The following TBCK variants were observed in gnomAD, a reference collection of about 807,000 sequenced individuals.
TBCK encodes the protein TBC1 domain containing kinase, also known as TBC domain-containing protein kinase-like protein.
Under a neutral mutation model 113.4 loss-of-function variants are expected in TBCK, and 99 were observed. That is an observed-to-expected ratio of 0.87 (90% CI 0.74 to 1.03). The LOEUF is 1.03. Among genes scored for constraint, TBCK ranks in the 50% least tolerant of loss-of-function variants. The pLI is 0.00. For missense variants in TBCK, 1,045 were observed against 1,061.3 expected, an observed-to-expected ratio of 0.98 and a Z score of 0.21; for synonymous variants, 369 against 370.8, an observed-to-expected ratio of 1.00 and a Z score of 0.05.
At chr4:106,190,942 ATG>A (rs1387599038) in intron 22 of TBCK, among the ~76,000 whole-genome samples, 1 of 152,126 alleles carries the variant, frequency 6.6e-6, no homozygotes, top group Non-Finnish European at 1.5e-5. Flanking sequence ...GAGTTTCACC[ATG>A]TTAGCCAGGT....
At chr4:106,138,033 T>C (rs956882526) in intron 23 of TBCK, among the ~76,000 whole-genome samples, 1 of 141,544 alleles carries the variant, frequency 7.1e-6, no homozygotes, top group Admixed American at 7.0e-5. Context: ...ATTAGGCAAG[T>C]GTGTTGTGCA....
At chr4:106,140,030 ATAATAGATGAATTG>A (rs1747002441) in intron 23 of TBCK, among the ~76,000 whole-genome samples, 1 of 141,186 alleles carries the variant, frequency 7.1e-6, no homozygotes, top group South Asian at 2.4e-4. Context: ...ATAGATGTAT[ATAATAGATGAATTG>A]TAATAGATGA....
intron 23 of TBCK, among the ~76,000 whole-genome samples, chr4:106,159,048 A>C (rs1255775146): frequency 2.0e-5 from 3 of 151,890 alleles, no homozygotes; most frequent in Non-Finnish European, 4.4e-5. Context: ...AAAAAAAAAC[A>C]ACCACATGAT....
intron 25 of TBCK, among the ~76,000 whole-genome samples, chr4:106,050,321 A>C (rs937791017): frequency 1.3e-5 from 2 of 152,048 alleles, no homozygotes; most frequent in Non-Finnish European, 2.9e-5. Flanking sequence ...GCAATACTTG[A>C]ACAATGCAAT....
chr4:106,231,768 G>A lies in TBCK; in HGVS notation c.1651C>T (p.Leu551Phe). The change falls in exon 18 of 26, where the codon CTT becomes TTT. Residue 551 changes from leucine (L) to phenylalanine (F), a missense_variant. By Grantham distance (22) the Leu-to-Phe change is conservative. Coordinates refer to ENST00000394708, the MANE Select transcript of TBCK (RefSeq NM_001163435.3). ...DLVYWQGLDS[L>F]CAPFLYLNFN... ...TTTAGATATAGGAATGGAGCACAAA[G>A]TGAGTCAAGACCTAACACAGAGGGG... 1 of 1,609,780 alleles carries A rather than the reference G, an allele frequency of 6.2e-7. No individual in the cohort carries two copies. Among genetic ancestry groups the A allele is most frequent in the Non-Finnish European group, 8.5e-7 (1 of 1,177,854 alleles).
chr4:106,102,617 T>A (rs1741684339), intron 24 of TBCK, among the ~76,000 whole-genome samples: 1 of 151,268 alleles, frequency 6.6e-6, no homozygotes, highest in Non-Finnish European at 1.5e-5. Flanking sequence ...AATATATTTT[T>A]AGACATTAAA....
At chr4:106,056,255 C>A (rs1312648828) in intron 25 of TBCK, among the ~76,000 whole-genome samples, 1 of 148,732 alleles carries the variant, frequency 6.7e-6, no homozygotes, top group Non-Finnish European at 1.5e-5. Flanking sequence ...ACTTTAAGGT[C>A]TTTTTTTAAT....
intron 23 of TBCK, among the ~76,000 whole-genome samples, chr4:106,159,318 A>G (rs1362906980): frequency 6.6e-6 from 1 of 152,116 alleles, no homozygotes; most frequent in Admixed American, 6.5e-5. Flanking sequence ...AAGAAAAGCC[A>G]TCCACTGAAA....
chr4:106,288,985 T>C (rs1481258706), intron 3 of TBCK, among the ~76,000 whole-genome samples: 1 of 152,218 alleles, frequency 6.6e-6, no homozygotes. Flanking sequence ...TAGCTCACTA[T>C]GTAAATGCAA....
intron 22 of TBCK, among the ~76,000 whole-genome samples, chr4:106,174,665 ATCT>A (rs1314237221): frequency 1.6e-4 from 25 of 152,212 alleles, no homozygotes; most frequent in African/African-American, 6.0e-4. Flanking sequence ...TTCTTTTTAA[ATCT>A]TCTATTCTAT....
At chr4:106,168,766 TAA>T (rs999299741) in intron 23 of TBCK, among the ~76,000 whole-genome samples, 2 of 151,882 alleles carry the variant, frequency 1.3e-5, no homozygotes, top group African/African-American at 4.8e-5. Flanking sequence ...TACTTAGATA[TAA>T]GTCTAACTAT....
chr4:106,258,167 A>G (rs1762183195), intron 5 of TBCK, among the ~76,000 whole-genome samples: 1 of 152,076 alleles, frequency 6.6e-6, no homozygotes, highest in Admixed American at 6.5e-5. Context: ...TCTCTTCTGT[A>G]GCATAGCATT....
Position 106,244,755 on chromosome 4 carries a change from T to C in TBCK, c.941A>G (p.Asn314Ser), listed in dbSNP as rs146794366. 509 of 1,582,890 alleles carry C rather than the reference T, an allele frequency of 3.2e-4. 2 individuals are homozygous for C. The African/African-American group carries it at 4.3e-3, about 14-fold the overall frequency. Residue 314 changes from asparagine to serine, a missense_variant, in exon 11 of 26, where the codon AAT becomes AGT. Physicochemically the swap from Asn to Ser is conservative, Grantham distance 46 (BLOSUM62 1). Transcript: ENST00000394708. Reference protein sequence around the residue: ...DISQLCKDINNDYLAERSIEE... With the variant: ...DISQLCKDINSDYLAERSIEE... ...AATAGATCTTTCTGCCAGGTAATCA[T>C]TATTTATATCTATTAAAAGCAAATT...
intron 25 of TBCK, among the ~76,000 whole-genome samples, chr4:106,047,966 C>T (rs946839088): frequency 2.6e-5 from 4 of 152,036 alleles, no homozygotes; most frequent in Non-Finnish European, 5.9e-5. Flanking sequence ...AGTGCTATTG[C>T]TTCTTGGGGC....
intron 23 of TBCK, among the ~76,000 whole-genome samples, chr4:106,155,745 A>C (rs961900894): frequency 3.3e-5 from 5 of 151,916 alleles, no homozygotes; most frequent in Non-Finnish European, 5.9e-5. Context: ...TAATTATTTC[A>C]ATCTCTTATG....
chr4:106,077,694 C>G (rs1212587652), intron 25 of TBCK, among the ~76,000 whole-genome samples: 1 of 152,154 alleles, frequency 6.6e-6, no homozygotes, highest in African/African-American at 2.4e-5. Context: ...GAAATACAGA[C>G]AAACACACGA....
intron 24 of TBCK, 78 bp downstream of exon 24, chr4:106,116,124 TA>T: frequency 1.5e-6 from 2 of 1,373,734 alleles, no homozygotes; most frequent in Non-Finnish European, 2.0e-6. Context: ...TTTTTTTTTT[TA>T]ACCACACAAC....
At chr4:106,104,183 A>G (rs1256486226) in intron 24 of TBCK, among the ~76,000 whole-genome samples, 2 of 152,328 alleles carry the variant, frequency 1.3e-5, no homozygotes, top group East Asian at 3.9e-4. Context: ...ACTCCTGTAC[A>G]TACCCGTAGG....
intron 25 of TBCK, among the ~76,000 whole-genome samples, chr4:106,059,420 T>G (rs1735788440): frequency 6.6e-6 from 1 of 151,846 alleles, no homozygotes; most frequent in East Asian, 1.9e-4. Context: ...ATTCTAGTAA[T>G]TATTGCAATA....
Sources: gnomAD v4.1 joint callset for allele counts (sites outside exome capture counted in the v4.1 genomes callset) on GRCh38, gnomAD v4.1.1 for gene constraint, MANE v1.5 for transcripts, NCBI Gene and HGNC (gene_info 2026-07-23, HGNC 2026-07-21) for gene names.